Variants in DOCK5 observed in about 807,000 individuals in gnomAD.
DOCK5 encodes the protein dedicator of cytokinesis 5, also known as dedicator of cytokinesis protein 5.
In DOCK5, 142 loss-of-function variants were observed where a neutral mutation model predicts 251.8. The observed-to-expected ratio is 0.56, with a 90% CI of 0.49 to 0.65. DOCK5 has a LOEUF of 0.65. DOCK5 is among the 30% of genes least tolerant of loss of function. The probability of loss-of-function intolerance (pLI) is 0.00; values close to 1 mark genes in which losing one functional copy is unlikely to be tolerated. For synonymous variants in DOCK5, 842 were observed against 835.5 expected, an observed-to-expected ratio of 1.01 and a Z score of -0.13; for missense variants, 2,111 against 2,312.3, an observed-to-expected ratio of 0.91 and a Z score of 1.79.
In DOCK5 at chr8:25,409,916, G is replaced by A. The variant is rs576489378; in HGVS notation, c.5405-183G>A. ...TTGTGGAGCTCTTGAAACTTCTGGC[G>A]AGGGCGTCACCTGTGTGATGTGGGG... On this transcript the variant is annotated intron_variant, in intron 50 of 51. Transcript: ENST00000276440. 168 of 527,396 alleles carry A rather than the reference G, an allele frequency of 3.2e-4. 1 individual carries two copies. In the South Asian group the frequency reaches 4.5e-3, roughly 14 times the overall value. The allele number at this position is 527,396 out of a possible 1,614,324, so 32.7% of individuals were successfully genotyped here. A position where few individuals can be genotyped will look rare whatever the true frequency, so the allele number is the denominator to read the frequency against.
At position 25,340,932 on chromosome 8, in the gene DOCK5, T is replaced by C; in HGVS notation, c.2383T>C (p.Phe795Leu). The C allele has an allele frequency of 6.2e-7, 1 of 1,613,688 alleles. No individual in the cohort carries two copies. Among genetic ancestry groups the C allele is most frequent in the African/African-American group, 1.3e-5 (1 of 75,064 alleles). ...GTTTAATAATTCAATTCGCCAGTTA[T>C]TTCTTGCTTTCAATATGCTGATGGA... ...DEFNNSIRQLFLAFNMLMDRP... is the reference protein window; with the variant it reads ...DEFNNSIRQLLLAFNMLMDRP... Residue 795 changes from phenylalanine to leucine, a missense_variant, in exon 23 of 52, where the codon TTT becomes CTT. Transcript: ENST00000276440.
chr8:25,411,075 C>T (rs1407355672), intron 51 of DOCK5, 119 bp from the exon 52 acceptor site: 1 of 1,289,286 alleles, frequency 7.8e-7, no homozygotes, highest in Non-Finnish European at 1.0e-6. Flanking sequence ...TTTGCAAAGC[C>T]TGTGTAGATA....
chr8:25,333,777 C>G (rs554719994), intron 20 of DOCK5, among the ~76,000 whole-genome samples: 1 of 152,252 alleles, frequency 6.6e-6, no homozygotes, highest in East Asian at 1.9e-4. Context: ...CTTTCCAGAG[C>G]CTCCTTCCTC....
intron 34 of DOCK5, 40 bp from the exon 35 acceptor site, chr8:25,372,519 C>T: frequency 6.5e-7 from 1 of 1,537,990 alleles, no homozygotes. Flanking sequence ...GGAATGATAG[C>T]ATGGAACCTG....
chr8:25,325,490 A>G lies in DOCK5; in HGVS notation c.1846A>G (p.Thr616Ala). Residue 616 changes from threonine (T) to alanine (A), a missense_variant, in exon 18 of 52, where the codon ACT becomes GCT. Physicochemically the swap from Thr to Ala is moderately conservative, Grantham distance 58 (BLOSUM62 0). Around this residue, in one of 3 missense-constraint regions of DOCK5, gnomAD observed 1,717 missense variants for 1,892.4 expected, o/e 0.91. Coordinates refer to ENST00000276440, the MANE Select transcript of DOCK5 (RefSeq NM_024940.8). ...CACCTTCACCCCAAGCAAGGATAGC[A>G]CTAAAGACAGCTTTCAGATTGCCAC... ...LVTFTPSKDS[T>A]KDSFQIATLI... is the part of the protein sequence containing the mutation. 6.2e-7 allele frequency: 1 copy of G among 1,613,898 alleles called. No homozygotes were observed. The highest frequency in any genetic ancestry group is 8.5e-7 in the Non-Finnish European group (1 of 1,179,798).
chr8:25,185,794 T>C (rs1411070001), intron 1 of DOCK5, among the ~76,000 whole-genome samples: 1 of 152,154 alleles, frequency 6.6e-6, no homozygotes, highest in Admixed American at 6.5e-5. Flanking sequence ...TCCGAAACAA[T>C]AGATGTGCGG....
At chr8:25,337,332 G>A (rs1243916939) in intron 22 of DOCK5, among the ~76,000 whole-genome samples, 2 of 152,032 alleles carry the variant, frequency 1.3e-5, no homozygotes, top group African/African-American at 4.8e-5. Context: ...AATTGGTCCT[G>A]TATTTCAGTT....
intron 50 of DOCK5, 23 bp from the exon 51 acceptor site, chr8:25,410,076 C>T: frequency 1.9e-6 from 3 of 1,598,550 alleles, no homozygotes; most frequent in Non-Finnish European, 2.6e-6. Context: ...CTCTCTGCCG[C>T]CTGCACTTTC....
chr8:25,229,668 CAT>C (rs1244523520), intron 1 of DOCK5, among the ~76,000 whole-genome samples: 1 of 151,936 alleles, frequency 6.6e-6, no homozygotes, highest in Non-Finnish European at 1.5e-5. Context: ...TGGTTGCTTA[CAT>C]ATATATATGA....
chr8:25,300,663 T>C lies in DOCK5; in HGVS notation c.846+6T>C, dbSNP rs202135553. ...ACCTCCAAGCAGTGTTTACAGTAAG[T>C]CCTCCCTTCTGTTTAATCATTCTCT... On this transcript the variant is annotated splice_donor_region_variant and intron_variant, in intron 9 of 51. Transcript: ENST00000276440. 5.6e-6 allele frequency: 9 copies of C among 1,608,444 alleles called. No homozygotes were observed. Among genetic ancestry groups the C allele is most frequent in the Non-Finnish European group, 7.6e-6 (9 of 1,176,642 alleles).
chr8:25,380,968 G>A (rs139411183), intron 39 of DOCK5, among the ~76,000 whole-genome samples: 147 of 151,588 alleles, frequency 9.7e-4, no homozygotes, highest in African/African-American at 3.4e-3. Flanking sequence ...AATGCCCAGT[G>A]GAAGGCAGCC....
chr8:25,309,949 A>G (rs1805044707), intron 12 of DOCK5, among the ~76,000 whole-genome samples: 1 of 152,232 alleles, frequency 6.6e-6, no homozygotes, highest in South Asian at 2.1e-4. Context: ...AATTTAATGA[A>G]AATACAAGAT....
chr8:25,251,920 C>T (rs1397074910), intron 2 of DOCK5, among the ~76,000 whole-genome samples: 2 of 150,830 alleles, frequency 1.3e-5, no homozygotes, highest in East Asian at 3.9e-4. Context: ...ACCCGGGAGG[C>T]AGAGGTTGCA....
At chr8:25,329,453 A>G (rs2117213160) in intron 18 of DOCK5, among the ~76,000 whole-genome samples, 1 of 152,262 alleles carries the variant, frequency 6.6e-6, no homozygotes, top group Admixed American at 6.5e-5. Flanking sequence ...TACAGTATTA[A>G]TGTAGTTAAT....
chr8:25,228,339 C>T (rs893847218), intron 1 of DOCK5, among the ~76,000 whole-genome samples: 1 of 152,054 alleles, frequency 6.6e-6, no homozygotes, highest in Admixed American at 6.5e-5. Flanking sequence ...TAGGTGTGTC[C>T]CCAAATTGGG....
chr8:25,389,003 A>G, intron 40 of DOCK5, 88 bp from the exon 41 acceptor site: 1 of 1,267,356 alleles, frequency 7.9e-7, no homozygotes, highest in Admixed American at 2.1e-5. Context: ...TTGGCTGGGG[A>G]GTGCAGTGGC....
At position 25,334,123 on chromosome 8, in the gene DOCK5, A is replaced by G. The variant is rs756037209; in HGVS notation, c.2119A>G (p.Ile707Val). 1 of 1,613,786 alleles carries G rather than the reference A, an allele frequency of 6.2e-7. No homozygotes were observed. The highest frequency in any genetic ancestry group is 1.1e-5 in the South Asian group (1 of 91,082). ...ATTTATTATTTCACTGATAGGAGACATCAAGTTCCAGCATTTTAATCCTGT... is the reference window on the plus strand; with the variant it reads ...ATTTATTATTTCACTGATAGGAGACGTCAAGTTCCAGCATTTTAATCCTGT... ...LVFIISLIGD[I>V]KFQHFNPVLE... is the part of the protein sequence containing the mutation. The change falls in exon 21 of 52, where the codon ATC becomes GTC. Residue 707 changes from isoleucine (I) to valine (V), a missense_variant. Around this residue, in one of 3 missense-constraint regions of DOCK5, gnomAD observed 1,717 missense variants for 1,892.4 expected, o/e 0.91. Coordinates refer to ENST00000276440, the MANE Select transcript of DOCK5 (RefSeq NM_024940.8).
chr8:25,355,319 C>T (rs1349104916), intron 27 of DOCK5, among the ~76,000 whole-genome samples: 3 of 152,102 alleles, frequency 2.0e-5, no homozygotes, highest in Non-Finnish European at 4.4e-5. Flanking sequence ...GAAAAAGATA[C>T]TAAACATAAA....
chr8:25,308,573 T>G (rs376868061), intron 11 of DOCK5, among the ~76,000 whole-genome samples: 4 of 152,226 alleles, frequency 2.6e-5, no homozygotes, highest in African/African-American at 7.2e-5. Context: ...CTTGGGTTTT[T>G]TTCCTCCCTC....
Sources: gnomAD v4.1 joint callset for allele counts (sites outside exome capture counted in the v4.1 genomes callset) on GRCh38, gnomAD v4.1.1 for gene constraint, gnomAD v4.1.1 regional missense constraint, MANE v1.5 for transcripts, NCBI Gene and HGNC (gene_info 2026-07-23, HGNC 2026-07-21) for gene names.